The following VPS13A variants were observed in gnomAD, a reference collection of about 807,000 sequenced individuals.
VPS13A encodes vacuolar protein sorting 13 homolog A.
In VPS13A, 264 loss-of-function variants were observed where a neutral mutation model predicts 390.9. That is an observed-to-expected ratio of 0.68 (90% CI 0.61 to 0.75). The LOEUF is 0.75. Ranked by LOEUF, VPS13A falls within the 30% of genes least tolerant of loss-of-function variation. VPS13A has a pLI of 0.00. For synonymous variants in VPS13A, 1,231 were observed against 1,227.1 expected (o/e 1.00, Z -0.07); for missense variants, 3,409 against 3,733.9 (o/e 0.91, Z 2.27).
chr9:77,388,937 A>G (rs911523629), intron 68 of VPS13A, among the ~76,000 whole-genome samples: 4 of 152,194 alleles, frequency 2.6e-5, no homozygotes, highest in African/African-American at 9.6e-5. Flanking sequence ...CTGTGGATCC[A>G]TTTGCTGACA....
At chr9:77,384,834 T>C in intron 68 of VPS13A, 1 of 1,463,644 alleles carries the variant, frequency 6.8e-7, no homozygotes, top group Non-Finnish European at 9.0e-7. Context: ...AAAATAATTG[T>C]ATTATTTAAG....
intron 54 of VPS13A, among the ~76,000 whole-genome samples, chr9:77,355,058 T>G (rs919569625): frequency 1.3e-5 from 2 of 152,194 alleles, no homozygotes; most frequent in Non-Finnish European, 2.9e-5. Context: ...TAAAAAATTC[T>G]CTTGAGCCTA....
intron 71 of VPS13A, among the ~76,000 whole-genome samples, chr9:77,408,944 G>A (rs1294984114): frequency 6.6e-6 from 1 of 152,216 alleles, no homozygotes; most frequent in Non-Finnish European, 1.5e-5. Flanking sequence ...CTTGAAGAGA[G>A]TAGTGGTTCT....
intron 45 of VPS13A, among the ~76,000 whole-genome samples, chr9:77,324,904 C>T (rs915244285): frequency 6.6e-6 from 1 of 151,916 alleles, no homozygotes; most frequent in African/African-American, 2.4e-5. Flanking sequence ...AGTACCCAAC[C>T]TTTTTGACAC....
At chr9:77,360,474 AT>A in intron 58 of VPS13A, 61 bp from the exon 59 acceptor site, 2 of 1,254,652 alleles carry the variant, frequency 1.6e-6, no homozygotes, top group South Asian at 2.4e-5. Flanking sequence ...TTCTCATCTA[AT>A]TTTTGTAATA....
At chr9:77,414,513 C>G (rs577782036) in intron 71 of VPS13A, among the ~76,000 whole-genome samples, 25 of 151,960 alleles carry the variant, frequency 1.6e-4, no homozygotes, top group African/African-American at 5.8e-4. Flanking sequence ...ACTGCATGTT[C>G]TCACTCATAG....
intron 20 of VPS13A, among the ~76,000 whole-genome samples, chr9:77,248,891 CCAGA>C (rs1824988715): frequency 6.6e-6 from 1 of 152,140 alleles, no homozygotes; most frequent in African/African-American, 2.4e-5. Context: ...GCCATCAAGC[CCAGA>C]CAGTTTTTGT....
chr9:77,326,992 C>T (rs2131466403), intron 45 of VPS13A, among the ~76,000 whole-genome samples: 1 of 152,336 alleles, frequency 6.6e-6, no homozygotes, highest in Admixed American at 6.5e-5. Context: ...CTGTGAATTT[C>T]AGTCACGTTG....
intron 21 of VPS13A, among the ~76,000 whole-genome samples, chr9:77,250,722 G>A (rs957288798): frequency 3.9e-5 from 6 of 152,204 alleles, no homozygotes; most frequent in African/African-American, 1.2e-4. Context: ...ATACAAAGAC[G>A]AGGGTCACTC....
chr9:77,252,201 G>A (rs1825181148), intron 21 of VPS13A, 34 bp from the exon 22 acceptor site: 1 of 1,512,986 alleles, frequency 6.6e-7, no homozygotes, highest in Admixed American at 1.7e-5. Context: ...GTGTGTTATA[G>A]TTACGTTAAA....
intron 58 of VPS13A, 51 bp from the exon 59 acceptor site, chr9:77,360,485 A>G (rs1253044139): frequency 7.6e-7 from 1 of 1,321,848 alleles, no homozygotes. Flanking sequence ...TTTTTGTAAT[A>G]CAGTTGTTAA....
At chr9:77,240,621 G>T (rs1824433395) in intron 19 of VPS13A, among the ~76,000 whole-genome samples, 2 of 150,988 alleles carry the variant, frequency 1.3e-5, no homozygotes, top group East Asian at 2.0e-4. Context: ...TGGATTACAG[G>T]GGTATGCCAC....
chr9:77,279,779 G>T, intron 26 of VPS13A: 1 of 195,822 alleles, frequency 5.1e-6, no homozygotes, highest in South Asian at 9.8e-5. Context: ...GGGTTTTCAA[G>T]GACTCTGATG....
At chr9:77,394,440 C>G (rs35116093) in intron 68 of VPS13A, among the ~76,000 whole-genome samples, 4,251 of 152,186 alleles carry the variant, frequency 0.028, 92 homozygotes, top group Non-Finnish European at 0.04. Flanking sequence ...ATGGCGGCAG[C>G]CACCTGTTGT....
intron 58 of VPS13A, 94 bp downstream of exon 58, chr9:77,359,496 A>G: frequency 9.0e-7 from 1 of 1,116,328 alleles, no homozygotes; most frequent in South Asian, 1.4e-5. Context: ...CAAGTCAAAG[A>G]TTTAAGCATA....
At chr9:77,390,080 T>C (rs1833843715) in intron 68 of VPS13A, 1 of 985,316 alleles carries the variant, frequency 1.0e-6, no homozygotes, top group Non-Finnish European at 1.2e-6. Context: ...AGAAAGGTCT[T>C]ACTATAGCAG....
At chr9:77,260,350 ACT>A in intron 23 of VPS13A, 126 bp downstream of exon 23, 47 of 712,200 alleles carry the variant, frequency 6.6e-5, no homozygotes, top group African/African-American at 7.9e-5. Context: ...TAAGAAAATT[ACT>A]TTTTTTTTTT....
At chr9:77,339,489 G>GTTTTTTTTTTTTTTTTTTT (rs765264048) in intron 47 of VPS13A, 27 bp from the exon 48 acceptor site, 3 of 1,122,348 alleles carry the variant, frequency 2.7e-6, no homozygotes. Flanking sequence ...TTTAAATTTT[G>GTTTTTTTTTTTTTTTTTTT]TTTTGTTTTT....
At chr9:77,273,229 CG>C in intron 23 of VPS13A, 50 bp from the exon 24 acceptor site, 1 of 1,366,066 alleles carries the variant, frequency 7.3e-7, no homozygotes. Context: ...TTTGAATAAG[CG>C]GTGAATAAAC....
Sources: allele counts gnomAD v4.1 joint callset (sites outside exome capture counted in the v4.1 genomes callset), GRCh38; gene constraint gnomAD v4.1.1; transcripts MANE v1.5; gene names NCBI Gene and HGNC (gene_info 2026-07-23, HGNC 2026-07-21).